The following KCNH1 variants were observed in gnomAD, a reference collection of about 807,000 sequenced individuals.
KCNH1 encodes the protein potassium voltage-gated channel subfamily H member 1.
Under a neutral mutation model 69.2 loss-of-function variants are expected in KCNH1, and 27 were observed. That is an observed-to-expected ratio of 0.39 (90% CI 0.29 to 0.54). KCNH1 has a LOEUF of 0.54. KCNH1 is among the 20% of genes least tolerant of loss of function. The probability of loss-of-function intolerance (pLI) is 0.68; values close to 1 mark genes in which losing one functional copy is unlikely to be tolerated. For missense variants in KCNH1, 798 were observed against 1,261.6 expected (o/e 0.63, Z 5.57); for synonymous variants, 456 against 487.7 (o/e 0.93, Z 0.86).
At chr1:211,021,498 G>A (rs2102415803) in intron 5 of KCNH1, among the ~76,000 whole-genome samples, 1 of 151,618 alleles carries the variant, frequency 6.6e-6, no homozygotes, top group Admixed American at 6.6e-5. Flanking sequence ...AAGAAATAAA[G>A]GACATCCAAA....
chr1:211,125,633 G>T (rs895491327), intron 1 of KCNH1, among the ~76,000 whole-genome samples: 1 of 152,158 alleles, frequency 6.6e-6, no homozygotes, highest in Non-Finnish European at 1.5e-5. Flanking sequence ...ACTTTCAAAT[G>T]CTGACTCCAG....
intron 7 of KCNH1, among the ~76,000 whole-genome samples, chr1:210,862,627 C>G (rs1211092980): frequency 6.6e-6 from 1 of 152,176 alleles, no homozygotes; most frequent in Non-Finnish European, 1.5e-5. Context: ...AGTCACCATG[C>G]CTGGCCAATA....
chr1:211,070,438 C>T (rs1028727140), intron 5 of KCNH1, among the ~76,000 whole-genome samples: 6 of 148,218 alleles, frequency 4.0e-5, no homozygotes, highest in Non-Finnish European at 9.0e-5. Flanking sequence ...AAAACACACA[C>T]ACACACACAC....
At chr1:211,043,124 G>A (rs978121257) in intron 5 of KCNH1, among the ~76,000 whole-genome samples, 3 of 152,162 alleles carry the variant, frequency 2.0e-5, no homozygotes, top group South Asian at 2.1e-4. Context: ...AGAACTAAAC[G>A]AAATTGAAAC....
intron 6 of KCNH1, among the ~76,000 whole-genome samples, chr1:210,925,832 T>G (rs1006274788): frequency 9.2e-5 from 14 of 152,288 alleles, no homozygotes; most frequent in Admixed American, 9.1e-4. Flanking sequence ...GGGAGCCTAT[T>G]GCACTGCCCA....
chr1:210,721,478 T>C (rs1002620596), intron 10 of KCNH1, among the ~76,000 whole-genome samples: 1 of 152,200 alleles, frequency 6.6e-6, no homozygotes, highest in African/African-American at 2.4e-5. Context: ...GCATTGTTTT[T>C]AGAATAATGA....
intron 10 of KCNH1, among the ~76,000 whole-genome samples, chr1:210,770,394 T>C (rs1683731782): frequency 1.3e-5 from 2 of 152,252 alleles, no homozygotes; most frequent in East Asian, 1.9e-4. Context: ...AAAAACCTAA[T>C]TAGGAAGGAC....
At chr1:210,913,810 T>A (rs1038843472) in intron 7 of KCNH1, among the ~76,000 whole-genome samples, 2 of 152,222 alleles carry the variant, frequency 1.3e-5, no homozygotes, top group Admixed American at 6.5e-5. Flanking sequence ...ACATGACCAC[T>A]CAGAATAAAT....
At chr1:210,959,402 C>T (rs540454781) in intron 6 of KCNH1, among the ~76,000 whole-genome samples, 6 of 152,246 alleles carry the variant, frequency 3.9e-5, no homozygotes, top group South Asian at 4.2e-4. Flanking sequence ...GCAGGCCGTC[C>T]GTTCTCAGAG....
chr1:210,709,338 C>T (rs779754970), intron 10 of KCNH1, among the ~76,000 whole-genome samples: 12 of 152,072 alleles, frequency 7.9e-5, no homozygotes, highest in Non-Finnish European at 1.6e-4. Flanking sequence ...CGGCAGAAGC[C>T]AAGGAGCACT....
chr1:210,829,014 T>G (rs1685101854), intron 7 of KCNH1, among the ~76,000 whole-genome samples: 1 of 152,126 alleles, frequency 6.6e-6, no homozygotes, highest in Non-Finnish European at 1.5e-5. Context: ...ATCATGGAGG[T>G]GTGCATAGCT....
chr1:210,915,384 G>C (rs184194725), intron 7 of KCNH1, among the ~76,000 whole-genome samples: 69 of 152,288 alleles, frequency 4.5e-4, no homozygotes, highest in Admixed American at 2.2e-3. Flanking sequence ...TGTTGAATGG[G>C]GGACATCCTC....
At chr1:210,740,731 T>TTTTTTTTTTTTTTTTTTTTTG (rs1558449289) in intron 10 of KCNH1, among the ~76,000 whole-genome samples, 1 of 119,502 alleles carries the variant, frequency 8.4e-6, no homozygotes, top group African/African-American at 3.6e-5. Context: ...TTTTTTTTTT[T>TTTTTTTTTTTTTTTTTTTTTG]TACTAAAAGA....
intron 7 of KCNH1, among the ~76,000 whole-genome samples, chr1:210,865,947 TC>T (rs1686097885): frequency 6.6e-6 from 1 of 152,092 alleles, no homozygotes. Flanking sequence ...TAAATGTGGG[TC>T]AAAAAGTATG....
At chr1:211,113,669 C>T (rs1209198614) in intron 1 of KCNH1, among the ~76,000 whole-genome samples, 1 of 152,148 alleles carries the variant, frequency 6.6e-6, no homozygotes, top group Non-Finnish European at 1.5e-5. Context: ...GCACAGGAAA[C>T]TTGGCCATGT....
intron 1 of KCNH1, among the ~76,000 whole-genome samples, chr1:211,115,728 TATACAC>T (rs1328389404): frequency 3.7e-4 from 33 of 88,056 alleles, no homozygotes; most frequent in African/African-American, 1.2e-3. Flanking sequence ...TATATATATA[TATACAC>T]ACACACACAC....
chr1:211,090,592 T>C lies in KCNH1; in HGVS notation c.409A>G (p.Lys137Glu). ...CATGAATCATCCTCAATTGGCTGTT[T>C]GAAAGCTGTTATGTCACTGAAAGTG... is the stretch of plus-strand genomic sequence containing the variant. Reference protein sequence around the residue: ...LCTFSDITAFKQPIEDDSCKG... With the variant: ...LCTFSDITAFEQPIEDDSCKG... Residue 137 changes from lysine to glutamate, a missense_variant, in exon 4 of 11, where the codon AAA becomes GAA. Physicochemically the swap from Lys to Glu is moderately conservative, Grantham distance 56. Around this residue, in one of 4 missense-constraint regions of KCNH1, gnomAD observed 266 missense variants for 457.2 expected, o/e 0.58. Coordinates refer to ENST00000271751, the MANE Select transcript of KCNH1 (RefSeq NM_172362.3). The C allele has an allele frequency of 6.2e-7, 1 of 1,607,452 alleles. No homozygotes were observed. Among genetic ancestry groups the C allele is most frequent in the Non-Finnish European group, 8.5e-7 (1 of 1,178,664 alleles).
intron 7 of KCNH1, among the ~76,000 whole-genome samples, chr1:210,893,512 T>C (rs1686794208): frequency 1.3e-5 from 2 of 152,048 alleles, no homozygotes; most frequent in African/African-American, 4.8e-5. Flanking sequence ...ATGTTTCTTC[T>C]GCTTGGGGTT....
At chr1:211,070,518 A>T (rs1450439873) in intron 5 of KCNH1, among the ~76,000 whole-genome samples, 1 of 151,060 alleles carries the variant, frequency 6.6e-6, no homozygotes, top group East Asian at 2.0e-4. Flanking sequence ...TAACCAAAAA[A>T]TTCCTTTAAA....
Sources: gnomAD v4.1 joint callset for allele counts (sites outside exome capture counted in the v4.1 genomes callset) on GRCh38, gnomAD v4.1.1 for gene constraint, gnomAD v4.1.1 regional missense constraint, MANE v1.5 for transcripts, NCBI Gene and HGNC (gene_info 2026-07-23, HGNC 2026-07-21) for gene names.